DPP10: variants seen among roughly 807,000 people sequenced by gnomAD.
The protein encoded by DPP10 is inactive dipeptidyl peptidase 10.
A neutral mutation model predicts 120.9 loss-of-function variants in DPP10; 33 were observed. That is an observed-to-expected ratio of 0.27 (90% CI 0.21 to 0.37). DPP10 has a LOEUF of 0.37. Among genes scored for constraint, DPP10 ranks in the 10% least tolerant of loss-of-function variants. The pLI is 1.00. For synonymous variants in DPP10, 337 were observed against 326.1 expected, an observed-to-expected ratio of 1.03 and a Z score of -0.36; for missense variants, 816 against 942.8, an observed-to-expected ratio of 0.87 and a Z score of 1.76.
intron 5 of DPP10, among the ~76,000 whole-genome samples, chr2:115,612,573 C>T (rs1418540273): frequency 1.3e-5 from 2 of 152,082 alleles, no homozygotes; most frequent in Non-Finnish European, 2.9e-5. Context: ...AATATAGTGA[C>T]GTGTTCTGCC....
chr2:114,953,085 T>G (rs948045985), intron 1 of DPP10, among the ~76,000 whole-genome samples: 3 of 151,986 alleles, frequency 2.0e-5, no homozygotes, highest in African/African-American at 7.2e-5. Context: ...CAAAAATCTT[T>G]TGTAAATACC....
chr2:115,819,408 T>C (rs1274178269), intron 21 of DPP10, among the ~76,000 whole-genome samples: 2 of 152,220 alleles, frequency 1.3e-5, no homozygotes, highest in African/African-American at 4.8e-5. Flanking sequence ...TTTTGATTTC[T>C]ATTATGACTT....
chr2:114,922,602 G>C (rs1039270135), intron 1 of DPP10, among the ~76,000 whole-genome samples: 2 of 152,168 alleles, frequency 1.3e-5, no homozygotes, highest in African/African-American at 4.8e-5. Flanking sequence ...GTGAGCTACA[G>C]TGCCCAGCCT....
chr2:114,447,186 G>A (rs547958527), intron 1 of DPP10, among the ~76,000 whole-genome samples: 8 of 151,850 alleles, frequency 5.3e-5, no homozygotes, highest in East Asian at 3.9e-4. Flanking sequence ...TAGTAGAGAC[G>A]GGGTTTCACC....
chr2:114,641,191 A>C (rs1695680142), intron 1 of DPP10, among the ~76,000 whole-genome samples: 1 of 151,974 alleles, frequency 6.6e-6, no homozygotes, highest in Admixed American at 6.5e-5. Context: ...ATACTTAATA[A>C]ATCTAAATCC....
intron 1 of DPP10, among the ~76,000 whole-genome samples, chr2:115,111,679 G>T (rs945759986): frequency 1.3e-5 from 2 of 152,132 alleles, no homozygotes; most frequent in Non-Finnish European, 2.9e-5. Flanking sequence ...CCCAGCAGCT[G>T]GGGGAAGGCA....
At chr2:115,279,909 A>T (rs888920938) in intron 1 of DPP10, among the ~76,000 whole-genome samples, 1 of 151,686 alleles carries the variant, frequency 6.6e-6, no homozygotes, top group Non-Finnish European at 1.5e-5. Flanking sequence ...TGATCCACCC[A>T]CTTTGGCCTC....
chr2:114,750,941 A>G (rs545180318), intron 1 of DPP10, among the ~76,000 whole-genome samples: 3 of 152,230 alleles, frequency 2.0e-5, no homozygotes, highest in Non-Finnish European at 4.4e-5. Flanking sequence ...TAAGTATTTA[A>G]TGTGATAAAA....
At chr2:115,596,162 T>C (rs1033213030) in intron 5 of DPP10, among the ~76,000 whole-genome samples, 2 of 152,116 alleles carry the variant, frequency 1.3e-5, no homozygotes, top group African/African-American at 4.8e-5. Context: ...CAAATATTTG[T>C]CAAAAATATC....
intron 21 of DPP10, among the ~76,000 whole-genome samples, chr2:115,832,067 C>A (rs1387449200): frequency 6.6e-6 from 1 of 152,198 alleles, no homozygotes; most frequent in Non-Finnish European, 1.5e-5. Context: ...GTTCTTATAT[C>A]TACCTAGAAC....
intron 1 of DPP10, among the ~76,000 whole-genome samples, chr2:115,172,204 A>G (rs964996664): frequency 1.3e-5 from 2 of 152,080 alleles, no homozygotes; most frequent in Non-Finnish European, 1.5e-5. Flanking sequence ...CAGACTTCTG[A>G]TACACTGGGA....
At chr2:115,811,604 T>C (rs1050972819) in intron 19 of DPP10, among the ~76,000 whole-genome samples, 1 of 152,212 alleles carries the variant, frequency 6.6e-6, no homozygotes, top group Non-Finnish European at 1.5e-5. Context: ...ATACGTAGAT[T>C]GGAAAGTTAT....
At chr2:115,183,025 AC>A (rs2054182927) in intron 1 of DPP10, among the ~76,000 whole-genome samples, 1 of 152,178 alleles carries the variant, frequency 6.6e-6, no homozygotes, top group Admixed American at 6.5e-5. Flanking sequence ...ACACACACAC[AC>A]ACACGTACGT....
chr2:115,475,674 A>C (rs1439287872), intron 3 of DPP10, among the ~76,000 whole-genome samples: 1 of 152,196 alleles, frequency 6.6e-6, no homozygotes, highest in South Asian at 2.1e-4. Flanking sequence ...ACGCCAGCCC[A>C]TGAGAACAGT....
chr2:115,254,513 G>A (rs866800611), intron 1 of DPP10, among the ~76,000 whole-genome samples: 4 of 152,098 alleles, frequency 2.6e-5, no homozygotes, highest in Non-Finnish European at 4.4e-5. Flanking sequence ...ATGCAGTAAC[G>A]CCCTTCCAAC....
rs148487339 is a variant in DPP10 at position 114,529,312 on chromosome 2, T to C, written c.60+86474T>C. ...GCTGGACAACCCACTATTTTTCCCA[T>C]ACTCATGTTGCCCACTTCAAAACTG... On this transcript the variant is annotated intron_variant, in intron 1 of 25. Coordinates refer to ENST00000410059, the MANE Select transcript of DPP10 (RefSeq NM_020868.6). Among the ~76,000 whole-genome samples the C allele has an allele frequency of 2.5e-3, 386 of 152,310 alleles. 3 individuals are homozygous for C. Among genetic ancestry groups the C allele is most frequent in the African/African-American group, 8.9e-3 (368 of 41,578 alleles).
intron 1 of DPP10, among the ~76,000 whole-genome samples, chr2:114,543,554 T>C (rs1316609663): frequency 6.6e-6 from 1 of 152,186 alleles, no homozygotes; most frequent in African/African-American, 2.4e-5. Flanking sequence ...TTTTTTGCTG[T>C]CTTTGGAAAT....
Position 114,965,795 on chromosome 2 carries a change from T to A in DPP10, c.61-343444T>A, listed in dbSNP as rs190348528. 2.2e-3 allele frequency among the ~76,000 whole-genome samples: 331 copies of A among 150,766 alleles called. 3 individuals are homozygous for A. The highest frequency in any genetic ancestry group is 7.7e-3 in the African/African-American group (316 of 41,172). On this transcript the variant is annotated intron_variant, in intron 1 of 25. Coordinates refer to ENST00000410059, the MANE Select transcript of DPP10 (RefSeq NM_020868.6). ...AGATCGAGACCACGGTGAAACCCTG[T>A]CTCTACTGAAAATACAAAAAATTAG...
intron 1 of DPP10, among the ~76,000 whole-genome samples, chr2:114,947,791 C>CT (rs1333453241): frequency 6.6e-6 from 1 of 151,930 alleles, no homozygotes; most frequent in Non-Finnish European, 1.5e-5. Context: ...TCAAAGTGTG[C>CT]TTTTTTTCCT....
Sources: gnomAD v4.1 joint callset for allele counts (sites outside exome capture counted in the v4.1 genomes callset) on GRCh38, gnomAD v4.1.1 for gene constraint, MANE v1.5 for transcripts, NCBI Gene and HGNC (gene_info 2026-07-23, HGNC 2026-07-21) for gene names.